The following CNTN6 variants were observed in gnomAD, a reference collection of about 807,000 sequenced individuals.
The protein encoded by CNTN6 is contactin 6.
A neutral mutation model predicts 122.8 loss-of-function variants in CNTN6; 137 were observed. The ratio of observed to expected loss-of-function variants is 1.12; its 90% CI spans 0.97 to 1.29. The LOEUF is 1.29. CNTN6 is among the 50% of genes most tolerant of loss of function. The probability of loss-of-function intolerance (pLI) is 0.00; values close to 1 mark genes in which losing one functional copy is unlikely to be tolerated. For synonymous variants in CNTN6, 570 were observed against 426.0 expected (o/e 1.34, Z -4.16); for missense variants, 1,634 against 1,223.4 (o/e 1.34, Z -5.01).
chr3:1,275,425 G>A (rs970092880), intron 4 of CNTN6, among the ~76,000 whole-genome samples: 7 of 151,958 alleles, frequency 4.6e-5, no homozygotes, highest in African/African-American at 7.3e-5. Flanking sequence ...TTATGTTCAC[G>A]TATTATTCAC....
chr3:1,107,367 C>T (rs2091275143), intron 1 of CNTN6, among the ~76,000 whole-genome samples: 1 of 151,992 alleles, frequency 6.6e-6, no homozygotes, highest in African/African-American at 2.4e-5. Context: ...TAAGTTGGTT[C>T]AATTCTATAG....
In CNTN6 at chr3:1,352,333, C is replaced by T. The variant is rs768708763; in HGVS notation, c.1374C>T (p.Leu458=). 1.3e-6 allele frequency: 2 copies of T among 1,523,918 alleles called. No individual in the cohort carries two copies. Among genetic ancestry groups the T allele is most frequent in the Non-Finnish European group, 1.8e-6 (2 of 1,127,606 alleles). 94.4% of individuals were successfully genotyped at this position (1,523,918 alleles called of 1,614,324 possible). A position where few individuals can be genotyped will look rare whatever the true frequency, so the allele number is the denominator to read the frequency against. ...TGTATTTTCTTTTTAGAATATTTCTCTTGGAGGATGGCAGCCTCAAGATAT... is the reference window on the plus strand; with the variant it reads ...TGTATTTTCTTTTTAGAATATTTCTTTTGGAGGATGGCAGCCTCAAGATAT... ...ETLRQSKRIF[L]LEDGSLKIYN... Residue 458 remains leucine (L), a synonymous_variant, in exon 12 of 23, where the codon CTC becomes CTT. Coordinates refer to ENST00000446702, the MANE Select transcript of CNTN6 (RefSeq NM_001289080.2).
intron 1 of CNTN6, among the ~76,000 whole-genome samples, chr3:1,118,473 A>G (rs2091817680): frequency 1.3e-5 from 2 of 152,162 alleles, no homozygotes; most frequent in African/African-American, 4.8e-5. Context: ...TTTGGCCAAG[A>G]TTCACAATTC....
intron 4 of CNTN6, among the ~76,000 whole-genome samples, chr3:1,238,562 G>T (rs1274825762): frequency 6.6e-6 from 1 of 152,008 alleles, no homozygotes; most frequent in African/African-American, 2.4e-5. Flanking sequence ...AGAAACAATG[G>T]ACTTAAACTA....
At chr3:1,381,518 T>G (rs1691881571) in intron 17 of CNTN6, among the ~76,000 whole-genome samples, 1 of 152,098 alleles carries the variant, frequency 6.6e-6, no homozygotes, top group Admixed American at 6.6e-5. Flanking sequence ...GAAGGTCAGA[T>G]GAAGAACCGG....
At chr3:1,264,717 A>G (rs962455896) in intron 4 of CNTN6, among the ~76,000 whole-genome samples, 6 of 152,154 alleles carry the variant, frequency 3.9e-5, no homozygotes, top group South Asian at 2.1e-4. Flanking sequence ...TGGTAAAAAC[A>G]TTTAAAATCT....
chr3:1,358,662 T>G (rs76218998), intron 12 of CNTN6, among the ~76,000 whole-genome samples: 4 of 151,972 alleles, frequency 2.6e-5, no homozygotes, highest in East Asian at 1.9e-4. Context: ...CCTCTTTTTT[T>G]GGGTTTTATT....
chr3:1,251,839 T>A (rs115202633), intron 4 of CNTN6, among the ~76,000 whole-genome samples: 3,106 of 152,238 alleles, frequency 0.02, 100 homozygotes, highest in African/African-American at 0.072. Flanking sequence ...GACCCTTTAA[T>A]ATAATTTATG....
intron 4 of CNTN6, among the ~76,000 whole-genome samples, chr3:1,266,233 G>A (rs920625766): frequency 2.6e-5 from 4 of 152,064 alleles, no homozygotes; most frequent in Non-Finnish European, 5.9e-5. Context: ...GCATGCAAGG[G>A]TCCTTATCAC....
At chr3:1,245,316 ATAT>A (rs1236802854) in intron 4 of CNTN6, among the ~76,000 whole-genome samples, 5,007 of 31,992 alleles carry the variant, frequency 0.16, 1,364 homozygotes, top group East Asian at 0.45. Context: ...ATATATATAT[ATAT>A]ATATATATAT....
At chr3:1,377,133 A>C in intron 17 of CNTN6, 58 bp downstream of exon 17, 1 of 1,176,184 alleles carries the variant, frequency 8.5e-7, no homozygotes, top group South Asian at 1.4e-5. Context: ...GGCCAGAAAG[A>C]AACTGAAAAA....
chr3:1,117,652 C>A (rs2091778991), intron 1 of CNTN6, among the ~76,000 whole-genome samples: 1 of 152,168 alleles, frequency 6.6e-6, no homozygotes, highest in South Asian at 2.1e-4. Flanking sequence ...AAGCTTCTCT[C>A]CTTCAAGTTC....
chr3:1,385,534 G>A (rs1576004069), intron 19 of CNTN6, 77 bp from the exon 20 acceptor site: 3 of 1,180,772 alleles, frequency 2.5e-6, no homozygotes, highest in East Asian at 2.5e-5. Context: ...TGTGGTTGTG[G>A]TTGATAGTTG....
chr3:1,397,438 T>C (rs1695124834), intron 20 of CNTN6, among the ~76,000 whole-genome samples: 1 of 152,132 alleles, frequency 6.6e-6, no homozygotes, highest in African/African-American at 2.4e-5. Context: ...CTGTTGATGA[T>C]GATGATACTA....
At chr3:1,363,715 A>G (rs937179663) in intron 12 of CNTN6, among the ~76,000 whole-genome samples, 6 of 152,082 alleles carry the variant, frequency 3.9e-5, no homozygotes, top group South Asian at 2.1e-4. Flanking sequence ...TACTGCTGCA[A>G]TGAACATGTG....
chr3:1,135,366 G>A (rs112160535), intron 1 of CNTN6, among the ~76,000 whole-genome samples: 3 of 152,122 alleles, frequency 2.0e-5, no homozygotes, highest in Non-Finnish European at 2.9e-5. Flanking sequence ...TGGGTTGATG[G>A]AAGAGAAGGC....
chr3:1,382,474 G>T (rs954262917), intron 17 of CNTN6, among the ~76,000 whole-genome samples: 2 of 152,082 alleles, frequency 1.3e-5, no homozygotes, highest in African/African-American at 4.8e-5. Context: ...GAAATATTCT[G>T]TGTCTTAAAG....
At chr3:1,245,307 T>TATAAC (rs1553639259) in intron 4 of CNTN6, among the ~76,000 whole-genome samples, 12 of 9,792 alleles carry the variant, frequency 1.2e-3, no homozygotes, top group Non-Finnish European at 1.9e-3. Context: ...TATATATATA[T>TATAAC]ATATATATAT....
chr3:1,307,769 G>T (rs1444801114), intron 7 of CNTN6, among the ~76,000 whole-genome samples: 2 of 152,068 alleles, frequency 1.3e-5, no homozygotes, highest in Non-Finnish European at 2.9e-5. Context: ...CCCTCTGTTA[G>T]AATGTGTCTG....
Sources: gnomAD v4.1 joint callset for allele counts (sites outside exome capture counted in the v4.1 genomes callset) on GRCh38, gnomAD v4.1.1 for gene constraint, MANE v1.5 for transcripts, NCBI Gene and HGNC (gene_info 2026-07-23, HGNC 2026-07-21) for gene names.